Variants in MTHFD2L observed in about 807,000 individuals in gnomAD.
MTHFD2L encodes the protein bifunctional methylenetetrahydrofolate dehydrogenase/cyclohydrolase 2, mitochondrial.
In MTHFD2L, 29 loss-of-function variants were observed where a neutral mutation model predicts 34.9. The ratio of observed to expected loss-of-function variants is 0.83; its 90% confidence interval spans 0.62 to 1.13. The LOEUF (loss-of-function observed/expected upper bound fraction) is 1.13, where lower values mean the gene tolerates loss of function less well. MTHFD2L is among the 50% of genes most tolerant of loss of function. The pLI is 0.00. For synonymous variants in MTHFD2L, 167 were observed against 155.7 expected, an observed-to-expected ratio of 1.07 and a Z score of -0.54; for missense variants, 481 against 446.5, an observed-to-expected ratio of 1.08 and a Z score of -0.70.
At chr4:74,165,334 C>T (rs1425175496) in intron 1 of MTHFD2L, among the ~76,000 whole-genome samples, 4 of 152,030 alleles carry the variant, frequency 2.6e-5, no homozygotes, top group African/African-American at 9.7e-5. Context: ...TGATAATTTT[C>T]TGAAAAAAGT....
chr4:74,222,826 A>C (rs1738444987), intron 5 of MTHFD2L, among the ~76,000 whole-genome samples: 1 of 152,088 alleles, frequency 6.6e-6, no homozygotes, highest in Non-Finnish European at 1.5e-5. Context: ...ACTGGCTATA[A>C]AATCCTTTAC....
At chr4:74,133,995 T>C (rs1484512892) in intron 1 of MTHFD2L, among the ~76,000 whole-genome samples, 1 of 152,162 alleles carries the variant, frequency 6.6e-6, no homozygotes, top group Non-Finnish European at 1.5e-5. Flanking sequence ...TCTACATCCA[T>C]GAGGCCTCTT....
At chr4:74,233,199 A>G (rs1449920592) in intron 6 of MTHFD2L, among the ~76,000 whole-genome samples, 1 of 152,112 alleles carries the variant, frequency 6.6e-6, no homozygotes, top group Non-Finnish European at 1.5e-5. Context: ...CCCATTCTCC[A>G]GGCCTGTTAC....
At chr4:74,128,703 T>C (rs1329704214) in intron 1 of MTHFD2L, among the ~76,000 whole-genome samples, 1 of 152,126 alleles carries the variant, frequency 6.6e-6, no homozygotes, top group Admixed American at 6.6e-5. Flanking sequence ...TTCAGGGAAT[T>C]TTTTAGTGTG....
chr4:74,238,210 G>A lies in MTHFD2L; in HGVS notation c.805+12816G>A, dbSNP rs1035930261. Among the ~76,000 whole-genome samples, 5 of 152,214 alleles carry A rather than the reference G, an allele frequency of 3.3e-5. 1 individual carries two copies. Among genetic ancestry groups the A allele is most frequent in the Admixed American group, 2.6e-4 (4 of 15,270 alleles). ...TGAAATGTACTATGGAGACTCTGACGGAGCACCTGGTTACCTGCTTTAGGT... is the reference window on the plus strand; with the variant it reads ...TGAAATGTACTATGGAGACTCTGACAGAGCACCTGGTTACCTGCTTTAGGT... On this transcript the variant is annotated intron_variant, in intron 6 of 7. Transcript: ENST00000325278.
intron 5 of MTHFD2L, among the ~76,000 whole-genome samples, chr4:74,214,980 G>A (rs1418093149): frequency 6.6e-6 from 1 of 151,720 alleles, no homozygotes; most frequent in East Asian, 1.9e-4. Flanking sequence ...CTTCCTGGTG[G>A]CTTTGTTTAC....
chr4:74,146,490 T>C (rs1723601544), intron 1 of MTHFD2L, among the ~76,000 whole-genome samples: 1 of 152,184 alleles, frequency 6.6e-6, no homozygotes, highest in African/African-American at 2.4e-5. Flanking sequence ...TGAAACACTA[T>C]ATACACATTA....
intron 3 of MTHFD2L, among the ~76,000 whole-genome samples, chr4:74,186,575 T>C (rs1731313870): frequency 6.6e-6 from 1 of 151,880 alleles, no homozygotes; most frequent in Non-Finnish European, 1.5e-5. Flanking sequence ...TAAATATACA[T>C]TTATAATAGC....
In MTHFD2L at chr4:74,302,475, A is replaced by G. The variant is rs913611147; in HGVS notation, c.*666A>G. On this transcript the variant is annotated 3_prime_UTR_variant, in exon 8 of 8. Transcript: ENST00000325278. ...TTTTATCACATGGTGAATGACTACT[A>G]AGAGTAATGATTATATCACATTGTG... is the stretch of plus-strand genomic sequence containing the variant. The G allele has an allele frequency of 6.6e-6, 1 of 152,120 alleles. No homozygotes were observed. Among genetic ancestry groups the G allele is most frequent in the African/African-American group, 2.4e-5 (1 of 41,450 alleles). 9.4% of individuals were successfully genotyped at this position (152,120 alleles called of 1,614,324 possible). A position where few individuals can be genotyped will look rare whatever the true frequency, so the allele number is the denominator to read the frequency against.
rs181066690 is a variant in MTHFD2L, at chr4:74,262,362, A to C, written c.806-19063A>C. On this transcript the variant is annotated intron_variant, in intron 6 of 7. Transcript: ENST00000325278. ...TTAGAAAAGATACACACAAATATAC[A>C]GACAAATATGTGAGTAAAAATAAAC... Among the ~76,000 whole-genome samples the C allele has an allele frequency of 5.5e-3, 843 of 152,076 alleles. 7 individuals are homozygous for C. The highest frequency in any genetic ancestry group is 0.019 in the African/African-American group (798 of 41,564).
intron 6 of MTHFD2L, among the ~76,000 whole-genome samples, chr4:74,227,138 T>C (rs1367588363): frequency 6.6e-6 from 1 of 152,180 alleles, no homozygotes; most frequent in Admixed American, 6.5e-5. Context: ...TAGTAGGATA[T>C]CTGAAGGAGA....
In MTHFD2L at chr4:74,183,788, T is replaced by C. The variant is rs1730630592; in HGVS notation, c.451+8385T>C. On this transcript the variant is annotated intron_variant, in intron 3 of 7. Transcript: ENST00000325278. ...TACCTGAATAAATATATATTATTCA[T>C]GTATATATATGTTATAATATATTGT... 5 of 135,664 alleles carry C rather than the reference T, an allele frequency of 3.7e-5. No homozygotes were observed. The South Asian group carries it at 1.3e-3, about 35-fold the overall frequency. 8.4% of individuals were successfully genotyped at this position (135,664 alleles called of 1,614,324 possible). A position where few individuals can be genotyped will look rare whatever the true frequency, so the allele number is the denominator to read the frequency against.
chr4:74,218,870 A>G (rs1297502384), intron 5 of MTHFD2L, among the ~76,000 whole-genome samples: 1 of 152,090 alleles, frequency 6.6e-6, no homozygotes, highest in African/African-American at 2.4e-5. Flanking sequence ...AGAAAACTCT[A>G]AGATTCTAGA....
intron 1 of MTHFD2L, among the ~76,000 whole-genome samples, chr4:74,126,576 C>T (rs578147184): frequency 6.6e-6 from 1 of 151,398 alleles, no homozygotes; most frequent in African/African-American, 2.4e-5. Flanking sequence ...TGTGTGTGGC[C>T]ATAGACGTAA....
In MTHFD2L at chr4:74,284,685, C is replaced by T. The variant is rs917191953; in HGVS notation, c.931+3135C>T. Among the ~76,000 whole-genome samples the T allele has an allele frequency of 2.0e-5, 3 of 151,924 alleles. No individual in the cohort carries two copies. The East Asian group carries it at 5.8e-4, about 29-fold the overall frequency. The stretch of plus-strand genomic sequence containing the variant: ...TTTGCTGTGCAGAAGCTCTAAAAAT[C>T]AGGAAACAACAGGTGCTGGAGAGGA... On this transcript the variant is annotated intron_variant, in intron 7 of 7. Coordinates refer to ENST00000325278, the MANE Select transcript of MTHFD2L (RefSeq NM_001144978.3).
At chr4:74,268,484 C>A (rs1745580556) in intron 6 of MTHFD2L, among the ~76,000 whole-genome samples, 1 of 152,002 alleles carries the variant, frequency 6.6e-6, no homozygotes, top group African/African-American at 2.4e-5. Flanking sequence ...AGCCTCTCAG[C>A]ACCTCAAAAT....
intron 2 of MTHFD2L, among the ~76,000 whole-genome samples, chr4:74,116,886 A>G (rs540495690): frequency 2.0e-5 from 3 of 151,240 alleles, no homozygotes; most frequent in East Asian, 3.9e-4. Context: ...TTCTCCACTT[A>G]AATGACACTC....
intron 6 of MTHFD2L, among the ~76,000 whole-genome samples, chr4:74,276,946 A>G (rs1158994551): frequency 6.6e-6 from 1 of 152,098 alleles, no homozygotes; most frequent in Non-Finnish European, 1.5e-5. Flanking sequence ...TTAATTTGAA[A>G]GGACAAAGGA....
chr4:74,143,876 T>C (rs1474445070), intron 1 of MTHFD2L, among the ~76,000 whole-genome samples: 1 of 152,174 alleles, frequency 6.6e-6, no homozygotes, highest in African/African-American at 2.4e-5. Context: ...TATGAATATA[T>C]TTTTAAACTT....
Sources: gnomAD v4.1 joint callset for allele counts (sites outside exome capture counted in the v4.1 genomes callset) on GRCh38, gnomAD v4.1.1 for gene constraint, MANE v1.5 for transcripts, NCBI Gene and HGNC (gene_info 2026-07-23, HGNC 2026-07-21) for gene names.